Variants in PCDHGA1 observed in about 807,000 individuals in gnomAD.
PCDHGA1 encodes protocadherin gamma-A1.
PCDHGA1 carries 32 observed loss-of-function variants against 58.0 expected under a neutral mutation model. The observed-to-expected ratio is 0.55, with a 90% CI of 0.42 to 0.74. The LOEUF is 0.74. PCDHGA1 is among the 30% of genes least tolerant of loss of function. The pLI is 0.00. For synonymous variants in PCDHGA1, 498 were observed against 501.1 expected (o/e 0.99, Z 0.08); for missense variants, 1,205 against 1,182.3 (o/e 1.02, Z -0.28).
chr5:141,470,023 G>A (rs1258101057), intron 1 of PCDHGA1, among the ~76,000 whole-genome samples: 1 of 152,110 alleles, frequency 6.6e-6, no homozygotes, highest in Admixed American at 6.6e-5. Context: ...CAGCTACTCG[G>A]GATGCTGAGG....
chr5:141,490,597 C>T lies in PCDHGA1; in HGVS notation c.2422-4210C>T, dbSNP rs781077720. Reference sequence around the variant, plus strand: ...TTCAGATGTCAATGACAATGCACCCCGCTTCAACCAGCAGCTTTACACTGC... The same window carrying T: ...TTCAGATGTCAATGACAATGCACCCTGCTTCAACCAGCAGCTTTACACTGC... On this transcript the variant is annotated intron_variant, in intron 1 of 3. Coordinates refer to ENST00000517417, the MANE Select transcript of PCDHGA1 (RefSeq NM_018912.3). The surrounding 1 kb of genome is among the most constrained non-coding windows in gnomAD (Gnocchi z 5.4). The T allele has an allele frequency of 1.2e-5, 20 of 1,614,182 alleles. No homozygotes were observed. The highest frequency in any genetic ancestry group is 3.3e-5 in the Admixed American group (2 of 60,026).
Position 141,339,254 on chromosome 5 carries a change from C to T in PCDHGA1, c.2421+6149C>T, listed in dbSNP as rs569931979. ...TGCGAACAGGATAGACCGGGAGGAG[C>T]TCTGCGCTCAGAGCGCACCCTGTCT... On this transcript the variant is annotated intron_variant, in intron 1 of 3. Coordinates refer to ENST00000517417, the MANE Select transcript of PCDHGA1 (RefSeq NM_018912.3). 37 of 1,614,242 alleles carry T rather than the reference C, an allele frequency of 2.3e-5. No homozygotes were observed. In the Admixed American group the frequency reaches 4.7e-4, roughly 20 times the overall value.
intron 1 of PCDHGA1, chr5:141,366,751 G>T: frequency 6.2e-7 from 1 of 1,607,656 alleles, no homozygotes; most frequent in Non-Finnish European, 8.5e-7. Context: ...GGCGAGTTCA[G>T]GTTAGTTTTC....
At chr5:141,440,732 A>C (rs2154559008) in intron 1 of PCDHGA1, 1 of 152,346 alleles carries the variant, frequency 6.6e-6, no homozygotes, top group African/African-American at 2.4e-5. Context: ...GTGTTAGAGA[A>C]GCTGCTTGAC....
At chr5:141,345,604 A>C (rs777904972) in intron 1 of PCDHGA1, 4 of 1,614,038 alleles carry the variant, frequency 2.5e-6, no homozygotes, top group Admixed American at 1.7e-5. Context: ...GACTACGAGC[A>C]ATTTAGAGAC....
chr5:141,375,952 G>A (rs1032808913), intron 1 of PCDHGA1: 2 of 1,613,396 alleles, frequency 1.2e-6, no homozygotes, highest in Non-Finnish European at 1.7e-6. Context: ...GCCTGCACAC[G>A]GGCGAGGTGC....
intron 1 of PCDHGA1, chr5:141,342,290 G>A (rs1406697850): frequency 2.0e-5 from 3 of 152,130 alleles, no homozygotes; most frequent in Non-Finnish European, 4.4e-5. Context: ...ATAGCTGCTA[G>A]AAATGTTCCC....
At chr5:141,344,796 G>A (rs1212882263) in intron 1 of PCDHGA1, 4 of 1,613,950 alleles carry the variant, frequency 2.5e-6, no homozygotes, top group Non-Finnish European at 3.4e-6. Flanking sequence ...TTGGGAGAAC[G>A]TGCCTGTGGG....
chr5:141,496,306 C>T (rs1380057886), intron 2 of PCDHGA1, among the ~76,000 whole-genome samples: 1 of 152,202 alleles, frequency 6.6e-6, no homozygotes, highest in South Asian at 2.1e-4. Flanking sequence ...ATAGGCTCTG[C>T]GCCAGGCCTC....
chr5:141,404,387 C>A, intron 1 of PCDHGA1: 1 of 1,613,874 alleles, frequency 6.2e-7, no homozygotes, highest in Non-Finnish European at 8.5e-7. Context: ...TGCCTATGAC[C>A]CTGATAGCAA....
Position 141,427,512 on chromosome 5 carries a change from T to A in PCDHGA1, c.2422-67295T>A, listed in dbSNP as rs1483922394. ...GCTTGTAACAGATGGGACCCTGGATTGGGAGCGGATCCCGGAGTACAACGT... is the reference window on the plus strand; with the variant it reads ...GCTTGTAACAGATGGGACCCTGGATAGGGAGCGGATCCCGGAGTACAACGT... On this transcript the variant is annotated intron_variant, in intron 1 of 3. Transcript: ENST00000517417. 1.2e-5 allele frequency: 7 copies of A among 592,748 alleles called. No homozygotes were observed. The Admixed American group carries it at 1.3e-4, about 11-fold the overall frequency. 36.7% of individuals were successfully genotyped at this position (592,748 alleles called of 1,614,324 possible). A position where few individuals can be genotyped will look rare whatever the true frequency, so the allele number is the denominator to read the frequency against.
intron 1 of PCDHGA1, chr5:141,418,251 C>G: frequency 6.2e-7 from 1 of 1,614,058 alleles, no homozygotes; most frequent in Non-Finnish European, 8.5e-7. Context: ...GACCACGCCC[C>G]TCAATTCCGG....
At chr5:141,339,707 G>A (rs894686520) in intron 1 of PCDHGA1, 1 of 1,614,142 alleles carries the variant, frequency 6.2e-7, no homozygotes, top group African/African-American at 1.3e-5. Flanking sequence ...TACACAGCCC[G>A]AGTACCGCAT....
chr5:141,394,229 T>C, intron 1 of PCDHGA1: 1 of 1,613,872 alleles, frequency 6.2e-7, no homozygotes, highest in Non-Finnish European at 8.5e-7. Flanking sequence ...CCTCCATCTT[T>C]TCCTTGACTG....
intron 1 of PCDHGA1, chr5:141,430,711 C>T (rs2097304226): frequency 1.3e-6 from 2 of 1,483,856 alleles, no homozygotes; most frequent in African/African-American, 2.8e-5. Context: ...CTGCTCCTGA[C>T]TTCAGTGGTT....
In PCDHGA1 at chr5:141,485,669, T is replaced by G. The variant is rs754363407; in HGVS notation, c.2422-9138T>G. ...TCAGGATGCAGATGTGGGGAGCAATTCGATTAGCAGCTATAGGCTGAGCTC... is the reference window on the plus strand; with the variant it reads ...TCAGGATGCAGATGTGGGGAGCAATGCGATTAGCAGCTATAGGCTGAGCTC... On this transcript the variant is annotated intron_variant, in intron 1 of 3. Transcript: ENST00000517417. The surrounding 1 kb of genome is among the most constrained non-coding windows in gnomAD (Gnocchi z 5.7). 1.9e-6 allele frequency: 3 copies of G among 1,612,788 alleles called. 1 individual carries two copies. Among genetic ancestry groups the G allele is most frequent in the Admixed American group, 1.7e-5 (1 of 59,980 alleles).
chr5:141,332,260 C>T lies in PCDHGA1; in HGVS notation c.1576C>T (p.Arg526Trp), dbSNP rs547369283. 40 of 1,614,226 alleles carry T rather than the reference C, an allele frequency of 2.5e-5. No homozygotes were observed. In the South Asian group the frequency reaches 3.5e-4, roughly 14 times the overall value. Reference sequence around the variant, plus strand: ...GCGATCCTTCGACTATGAGCAGTTCCGGGACATGCAACTGAAAGTGATGGC... The same window carrying T: ...GCGATCCTTCGACTATGAGCAGTTCTGGGACATGCAACTGAAAGTGATGGC... ...ALRSFDYEQF[R>W]DMQLKVMARD... Residue 526 changes from arginine (R) to tryptophan (W), a missense_variant, in exon 1 of 4, where the codon CGG (arginine) becomes TGG (tryptophan). By Grantham distance (101) the Arg-to-Trp change is moderately radical. Coordinates refer to ENST00000517417, the MANE Select transcript of PCDHGA1 (RefSeq NM_018912.3). This position sits in a 1 kb window ranked among gnomAD's most constrained non-coding sequence, Gnocchi z 4.6.
chr5:141,352,967 G>A (rs767244188), intron 1 of PCDHGA1, among the ~76,000 whole-genome samples: 2 of 152,168 alleles, frequency 1.3e-5, no homozygotes, highest in Non-Finnish European at 2.9e-5. Context: ...CAGCCTGGGT[G>A]ATGGGAGGGA....
intron 1 of PCDHGA1, among the ~76,000 whole-genome samples, chr5:141,466,863 C>A (rs1409042461): frequency 1.3e-5 from 2 of 152,070 alleles, no homozygotes; most frequent in African/African-American, 4.8e-5. Context: ...ATTTTGAAAT[C>A]CACACATTTT....
Sources: allele counts gnomAD v4.1 joint callset (sites outside exome capture counted in the v4.1 genomes callset), GRCh38; gene constraint gnomAD v4.1.1; non-coding constraint Gnocchi (gnomAD v3.1); transcripts MANE v1.5; gene names NCBI Gene and HGNC (gene_info 2026-07-23, HGNC 2026-07-21).